Variants in CDH7 observed in about 807,000 individuals in gnomAD.
CDH7 encodes the protein cadherin-7.
Under a neutral mutation model 71.8 loss-of-function variants are expected in CDH7, and 25 were observed. That is an observed-to-expected ratio of 0.35 (90% confidence interval 0.25 to 0.49). The LOEUF is 0.49. Ranked by LOEUF, CDH7 falls within the 20% of genes least tolerant of loss-of-function variation. The pLI, the probability that CDH7 is intolerant of heterozygous loss-of-function variation, is 0.99. For synonymous variants in CDH7, 381 were observed against 363.8 expected (o/e 1.05, Z -0.54); for missense variants, 862 against 974.6 (o/e 0.88, Z 1.54).
At chr18:65,869,346 G>C (rs556639090) in intron 11 of CDH7, among the ~76,000 whole-genome samples, 1 of 151,670 alleles carries the variant, frequency 6.6e-6, no homozygotes, top group Non-Finnish European at 1.5e-5. Context: ...GCTTAAAATC[G>C]TATTTTCATG....
intron 2 of CDH7, among the ~76,000 whole-genome samples, chr18:65,808,642 A>T (rs956456033): frequency 3.9e-5 from 6 of 152,182 alleles, no homozygotes; most frequent in Non-Finnish European, 8.8e-5. Flanking sequence ...AGCTACAGGG[A>T]AGGATGAAAA....
rs1911606708 is a variant in CDH7 at position 65,813,258 on chromosome 18, C to G, written c.506-1227C>G. Among the ~76,000 whole-genome samples, 4 of 152,270 alleles carry G rather than the reference C, an allele frequency of 2.6e-5. No individual in the cohort carries two copies. The South Asian group carries it at 8.3e-4, about 32-fold the overall frequency. The stretch of plus-strand genomic sequence containing the variant: ...GAGGCAGGAGAATCACTTGAACCTG[C>G]AAGGTGGAGGTTACGGTGAGCCAAG... On this transcript the variant is annotated intron_variant, in intron 3 of 11. Transcript: ENST00000397968.
At chr18:65,861,256 A>G (rs767483605) in intron 10 of CDH7, among the ~76,000 whole-genome samples, 11 of 151,936 alleles carry the variant, frequency 7.2e-5, no homozygotes, top group Middle Eastern at 3.4e-3. Context: ...CTTCCATATG[A>G]TCACTTTTCT....
At chr18:65,839,667 G>A (rs368457993) in intron 6 of CDH7, among the ~76,000 whole-genome samples, 10 of 152,150 alleles carry the variant, frequency 6.6e-5, no homozygotes, top group South Asian at 2.1e-4. Context: ...TGGGTAAGGC[G>A]TTTATGGAAA....
intron 2 of CDH7, among the ~76,000 whole-genome samples, chr18:65,775,794 G>T (rs1366039901): frequency 6.6e-6 from 1 of 152,158 alleles, no homozygotes; most frequent in Admixed American, 6.6e-5. Context: ...AAACAAGGAA[G>T]AACTCAAGCA....
chr18:65,787,300 A>G (rs7244852), intron 2 of CDH7, among the ~76,000 whole-genome samples: 51,120 of 152,078 alleles, frequency 0.34, 8,874 homozygotes, highest in Middle Eastern at 0.46. Flanking sequence ...AACTTGATTG[A>G]GGGGTGGTTA....
chr18:65,805,502 C>T (rs76469865), intron 2 of CDH7, among the ~76,000 whole-genome samples: 8,159 of 152,206 alleles, frequency 0.054, 302 homozygotes, highest in South Asian at 0.12. Flanking sequence ...ATTTGGTGAG[C>T]ATGCTGAAAA....
chr18:65,766,713 G>A (rs1916380234), intron 2 of CDH7, among the ~76,000 whole-genome samples: 1 of 151,564 alleles, frequency 6.6e-6, no homozygotes. Context: ...GAAGGAAGGG[G>A]GGAGGATCCT....
intron 2 of CDH7, among the ~76,000 whole-genome samples, chr18:65,770,365 CT>C (rs1211030138): frequency 3.9e-5 from 6 of 152,138 alleles, no homozygotes; most frequent in South Asian, 2.1e-4. Flanking sequence ...GCCCCAAATA[CT>C]TAGCCATCAT....
chr18:65,813,210 T>C (rs1273144857), intron 3 of CDH7, among the ~76,000 whole-genome samples: 3 of 152,316 alleles, frequency 2.0e-5, no homozygotes, highest in African/African-American at 7.2e-5. Flanking sequence ...CGCATGCCTG[T>C]AATCCCAGCT....
intron 1 of CDH7, among the ~76,000 whole-genome samples, chr18:65,756,695 C>T (rs1302725989): frequency 1.3e-5 from 2 of 152,184 alleles, no homozygotes; most frequent in African/African-American, 4.8e-5. Context: ...TAAGCCATTG[C>T]TTATTTATAT....
chr18:65,871,870 C>A (rs1024032040), intron 11 of CDH7, among the ~76,000 whole-genome samples: 1 of 151,950 alleles, frequency 6.6e-6, no homozygotes, highest in African/African-American at 2.4e-5. Context: ...AAAATATGGT[C>A]TGGTTATCCA....
chr18:65,766,536 A>G (rs1284594823), intron 2 of CDH7, among the ~76,000 whole-genome samples: 1 of 152,108 alleles, frequency 6.6e-6, no homozygotes, highest in Non-Finnish European at 1.5e-5. Context: ...AACCTTTATC[A>G]TTAGCTTCCC....
intron 11 of CDH7, among the ~76,000 whole-genome samples, chr18:65,867,622 T>G (rs1192390573): frequency 6.6e-6 from 1 of 152,226 alleles, no homozygotes. Flanking sequence ...AGCTAAATTC[T>G]TTCTGTTCCT....
rs1342610890 is a variant in CDH7, at chr18:65,888,710, C to T, written c.*7816C>T. The T allele has an allele frequency of 1.3e-5, 2 of 151,196 alleles. No individual in the cohort carries two copies. Among genetic ancestry groups the T allele is most frequent in the East Asian group, 3.9e-4 (2 of 5,102 alleles). The allele number at this position is 151,196 out of a possible 1,614,324, so 9.4% of individuals were successfully genotyped here. ...CATTGTTAGGTTTTTTAAGGAAAAA[C>T]TTTGATGCCCAGAATAACTGTAACT... On this transcript the variant is annotated 3_prime_UTR_variant, in exon 12 of 12. Transcript: ENST00000397968.
At chr18:65,804,699 C>CGTGTGTGTGTGTGTGTGTGTGTGT (rs56242508) in intron 2 of CDH7, among the ~76,000 whole-genome samples, 8 of 148,814 alleles carry the variant, frequency 5.4e-5, no homozygotes, top group Admixed American at 2.0e-4. Flanking sequence ...CCTTAACACA[C>CGTGTGTGTGTGTGTGTGTGTGTGT]GTGTGTGTGT....
intron 4 of CDH7, among the ~76,000 whole-genome samples, chr18:65,819,757 C>T (rs1287049462): frequency 9.9e-5 from 15 of 151,612 alleles, no homozygotes; most frequent in Admixed American, 9.9e-4. Context: ...AATGGTAGTG[C>T]AGTCAAAGTG....
intron 6 of CDH7, among the ~76,000 whole-genome samples, chr18:65,827,427 A>G (rs971518783): frequency 2.6e-5 from 4 of 151,912 alleles, no homozygotes; most frequent in South Asian, 2.1e-4. Context: ...CTGAATTACT[A>G]TGGAGAACCA....
At position 65,784,204 on chromosome 18, in the gene CDH7, C is replaced by G. The variant is rs1001704094; in HGVS notation, c.210+21152C>G. 5.3e-4 allele frequency among the ~76,000 whole-genome samples: 78 copies of G among 148,458 alleles called. 2 individuals are homozygous for G. The highest frequency in any genetic ancestry group is 1.3e-4 in the Non-Finnish European group (9 of 67,556). Reference sequence around the variant, plus strand: ...TAGGCTCAATCACCCATCTCAGCTTCCCAAAGTGCTGAGATTACAGGCATG... The same window carrying G: ...TAGGCTCAATCACCCATCTCAGCTTGCCAAAGTGCTGAGATTACAGGCATG... On this transcript the variant is annotated intron_variant, in intron 2 of 11. Coordinates refer to ENST00000397968, the MANE Select transcript of CDH7 (RefSeq NM_004361.5).
Sources: allele counts gnomAD v4.1 joint callset (sites outside exome capture counted in the v4.1 genomes callset), GRCh38; gene constraint gnomAD v4.1.1; transcripts MANE v1.5; gene names NCBI Gene and HGNC (gene_info 2026-07-23, HGNC 2026-07-21).